The following SVEP1 variants were observed in gnomAD, a reference collection of about 807,000 sequenced individuals.
SVEP1 encodes the protein sushi, von Willebrand factor type A, EGF and pentraxin domain containing 1, also known as sushi, von Willebrand factor type A, EGF and pentraxin domain-containing protein 1.
SVEP1 carries 164 observed loss-of-function variants against 367.3 expected under a neutral mutation model. The ratio of observed to expected loss-of-function variants is 0.45; its 90% confidence interval spans 0.39 to 0.51. The LOEUF (loss-of-function observed/expected upper bound fraction) is 0.51, where lower values mean the gene tolerates loss of function less well. SVEP1 is among the 20% of genes least tolerant of loss of function. The pLI, the probability that SVEP1 is intolerant of heterozygous loss-of-function variation, is 0.00. For missense variants in SVEP1, 4,117 were observed against 4,425.3 expected, an observed-to-expected ratio of 0.93 and a Z score of 1.98; for synonymous variants, 1,666 against 1,611.6, an observed-to-expected ratio of 1.03 and a Z score of -0.81.
chr9:110,518,698 A>G (rs1420092213), intron 3 of SVEP1, among the ~76,000 whole-genome samples: 1 of 152,126 alleles, frequency 6.6e-6, no homozygotes, highest in Non-Finnish European at 1.5e-5. Context: ...ATATCTAAAT[A>G]AAACTTATGT....
At chr9:110,403,853 CTTT>C (rs11439177) in intron 39 of SVEP1, among the ~76,000 whole-genome samples, 2 of 144,182 alleles carry the variant, frequency 1.4e-5, no homozygotes, top group Non-Finnish European at 1.5e-5. Flanking sequence ...TAATAATACA[CTTT>C]TTTTTTTTTT....
intron 27 of SVEP1, among the ~76,000 whole-genome samples, chr9:110,436,805 T>C (rs1828437076): frequency 6.6e-6 from 1 of 152,226 alleles, no homozygotes; most frequent in Non-Finnish European, 1.5e-5. Context: ...GTTATTTTGC[T>C]TACTTTCTTG....
chr9:110,412,531 A>G (rs536239141), intron 36 of SVEP1, among the ~76,000 whole-genome samples: 78 of 152,236 alleles, frequency 5.1e-4, no homozygotes, highest in Non-Finnish European at 7.6e-4. Context: ...AACAAAAGAC[A>G]AAATTGACAA....
intron 27 of SVEP1, among the ~76,000 whole-genome samples, chr9:110,437,937 CA>C (rs1246342908): frequency 6.6e-6 from 1 of 152,018 alleles, no homozygotes; most frequent in Non-Finnish European, 1.5e-5. Flanking sequence ...TTAATACATG[CA>C]CAGAAGAAAA....
intron 42 of SVEP1, among the ~76,000 whole-genome samples, chr9:110,386,498 T>TCCTTCAGGAGGATGGAA (rs1827525005): frequency 6.6e-6 from 1 of 152,052 alleles, no homozygotes; most frequent in African/African-American, 2.4e-5. Flanking sequence ...TTATTGAACA[T>TCCTTCAGGAGGATGGAA]CCTTCAGGAG....
intron 20 of SVEP1, chr9:110,458,221 G>C: frequency 1.7e-6 from 1 of 595,112 alleles, no homozygotes; most frequent in Admixed American, 2.8e-5. Context: ...GCTCCCCCTG[G>C]ATCTACTCAT....
chr9:110,435,401 G>C (rs771041134), intron 28 of SVEP1, 37 bp from the exon 29 acceptor site: 1 of 1,604,066 alleles, frequency 6.2e-7, no homozygotes, highest in East Asian at 2.2e-5. Context: ...AGCCTTACTT[G>C]TTCCATTAAG....
rs553247960 is a variant in SVEP1 at position 110,446,739 on chromosome 9, T to C, written c.4261+161A>G. ...TCTGTGCCACTGAGGATAATAGTAGTAGTACCTAGTTTGTTGGATGGCTGT... is the reference window on the plus strand; with the variant it reads ...TCTGTGCCACTGAGGATAATAGTAGCAGTACCTAGTTTGTTGGATGGCTGT... On this transcript the variant is annotated intron_variant, in intron 25 of 47. Coordinates refer to ENST00000374469, the MANE Select transcript of SVEP1 (RefSeq NM_153366.4). 1.7e-4 allele frequency among the ~76,000 whole-genome samples: 26 copies of C among 152,340 alleles called. No homozygotes were observed. In the Middle Eastern group the frequency reaches 0.014, roughly 80 times the overall value.
Position 110,529,976 on chromosome 9 carries a change from T to C in SVEP1, c.965-15870A>G, listed in dbSNP as rs187426995. On this transcript the variant is annotated intron_variant, in intron 3 of 47. Transcript: ENST00000374469. Reference sequence around the variant, plus strand: ...AGGTTTTAAACTTTTTCCCACTTAGTATGTTGGCTGTAGGTTTATCACATA... The same window carrying C: ...AGGTTTTAAACTTTTTCCCACTTAGCATGTTGGCTGTAGGTTTATCACATA... Among the ~76,000 whole-genome samples, 34 of 151,680 alleles carry C rather than the reference T, an allele frequency of 2.2e-4. No individual in the cohort carries two copies. The East Asian group carries it at 6.6e-3, about 29-fold the overall frequency.
At chr9:110,456,648 A>T (rs556535640) in intron 21 of SVEP1, among the ~76,000 whole-genome samples, 4 of 152,350 alleles carry the variant, frequency 2.6e-5, no homozygotes, top group Non-Finnish European at 5.9e-5. Flanking sequence ...AACTGTCTAG[A>T]AGAAAATGAT....
intron 1 of SVEP1, among the ~76,000 whole-genome samples, chr9:110,576,251 T>TCA (rs1830626158): frequency 7.4e-6 from 1 of 134,986 alleles, no homozygotes; most frequent in Admixed American, 7.0e-5. Context: ...ACACACACAC[T>TCA]CACACACAAA....
chr9:110,367,355 G>T (rs1352730422), intron 47 of SVEP1, among the ~76,000 whole-genome samples: 1 of 152,012 alleles, frequency 6.6e-6, no homozygotes, highest in Non-Finnish European at 1.5e-5. Context: ...GTAGAGATGG[G>T]ATCTTCCTAT....
chr9:110,447,895 T>G (rs1437746847), intron 24 of SVEP1, among the ~76,000 whole-genome samples: 1 of 152,032 alleles, frequency 6.6e-6, no homozygotes, highest in Admixed American at 6.5e-5. Flanking sequence ...AAGGAGCAAT[T>G]GAAATGAACA....
chr9:110,496,293 G>A (rs901343187), intron 8 of SVEP1, among the ~76,000 whole-genome samples: 2 of 152,106 alleles, frequency 1.3e-5, no homozygotes, highest in African/African-American at 4.8e-5. Flanking sequence ...ACTGGGAGAG[G>A]CAGACCCACC....
intron 3 of SVEP1, among the ~76,000 whole-genome samples, chr9:110,541,338 C>T (rs1830142427): frequency 6.6e-6 from 1 of 152,084 alleles, no homozygotes; most frequent in Non-Finnish European, 1.5e-5. Flanking sequence ...TTCAATGGCA[C>T]ATTATTCCTC....
chr9:110,450,975 T>A (rs957984527), intron 23 of SVEP1, among the ~76,000 whole-genome samples: 2 of 152,198 alleles, frequency 1.3e-5, no homozygotes, highest in Non-Finnish European at 2.9e-5. Flanking sequence ...ACCATATTAT[T>A]GTACATCTGT....
chr9:110,487,225 G>A (rs571527171), intron 9 of SVEP1, among the ~76,000 whole-genome samples: 6 of 152,290 alleles, frequency 3.9e-5, no homozygotes, highest in Admixed American at 3.9e-4. Flanking sequence ...CAAAGTGCTG[G>A]TATTACAGGA....
chr9:110,497,651 A>C (rs1043844889), intron 7 of SVEP1, among the ~76,000 whole-genome samples: 3 of 152,394 alleles, frequency 2.0e-5, no homozygotes, highest in African/African-American at 7.2e-5. Context: ...CTGTCAAAGC[A>C]AGCAACAAAT....
Position 110,510,478 on chromosome 9 carries a change from G to A in SVEP1, c.1303+2448C>T, listed in dbSNP as rs73532796. 8.2e-3 allele frequency among the ~76,000 whole-genome samples: 1,245 copies of A among 152,306 alleles called. 17 individuals are homozygous for A. The highest frequency in any genetic ancestry group is 0.028 in the African/African-American group (1,165 of 41,558). On this transcript the variant is annotated intron_variant, in intron 5 of 47. Transcript: ENST00000374469. The stretch of plus-strand genomic sequence containing the variant: ...CAGGTCTGCAGATGCACAGATGCAC[G>A]TGTAGAGGTCACCCCATTCAGGAGG...
Sources: gnomAD v4.1 joint callset for allele counts (sites outside exome capture counted in the v4.1 genomes callset) on GRCh38, gnomAD v4.1.1 for gene constraint, MANE v1.5 for transcripts, NCBI Gene and HGNC (gene_info 2026-07-23, HGNC 2026-07-21) for gene names.